The following CEMIP2 variants were observed in gnomAD, a reference collection of about 807,000 sequenced individuals.
The protein encoded by CEMIP2 is cell surface hyaluronidase CEMIP2.
Under a neutral mutation model 146.9 loss-of-function variants are expected in CEMIP2, and 79 were observed. The observed-to-expected ratio is 0.54, with a 90% CI of 0.45 to 0.65. The LOEUF (loss-of-function observed/expected upper bound fraction) is 0.65, where lower values mean the gene tolerates loss of function less well. Ranked by LOEUF, CEMIP2 falls within the 30% of genes least tolerant of loss-of-function variation. The probability of loss-of-function intolerance (pLI) is 0.00; values close to 1 mark genes in which losing one functional copy is unlikely to be tolerated. For synonymous variants in CEMIP2, 601 were observed against 606.3 expected (o/e 0.99, Z 0.13); for missense variants, 1,596 against 1,696.2 (o/e 0.94, Z 1.04).
At chr9:71,754,998 A>G (rs1824380675) in intron 1 of CEMIP2, among the ~76,000 whole-genome samples, 1 of 152,074 alleles carries the variant, frequency 6.6e-6, no homozygotes, top group Non-Finnish European at 1.5e-5. Context: ...TACCTTAAAA[A>G]CTCACTGTTA....
intron 1 of CEMIP2, among the ~76,000 whole-genome samples, chr9:71,759,506 A>G (rs1206275679): frequency 6.6e-6 from 1 of 152,170 alleles, no homozygotes; most frequent in Non-Finnish European, 1.5e-5. Context: ...CAACTTCCCA[A>G]TGAGGCACAG....
At chr9:71,758,708 T>C (rs1319540976) in intron 1 of CEMIP2, among the ~76,000 whole-genome samples, 1 of 152,230 alleles carries the variant, frequency 6.6e-6, no homozygotes, top group Non-Finnish European at 1.5e-5. Context: ...GCATATTTTC[T>C]ATAGATGCAA....
chr9:71,726,390 A>G (rs912167081), intron 10 of CEMIP2, among the ~76,000 whole-genome samples: 6 of 152,214 alleles, frequency 3.9e-5, no homozygotes, highest in African/African-American at 1.4e-4. Context: ...TTACAACTCA[A>G]TTAAAAATCA....
In CEMIP2 at chr9:71,698,006, A is replaced by G; in HGVS notation, c.3576T>C (p.Cys1192=). 6.2e-7 allele frequency: 1 copy of G among 1,614,108 alleles called. No individual in the cohort carries two copies. Among genetic ancestry groups the G allele is most frequent in the Non-Finnish European group, 8.5e-7 (1 of 1,180,006 alleles). ...KRMPAMLTGL[C]QGCGTRQVVF... Reference sequence around the variant, plus strand: ...TTACCTGCCGAGTGCCACAGCCTTGACAGAGTCCAGTGAGCATGGCCGGCA... The same window carrying G: ...TTACCTGCCGAGTGCCACAGCCTTGGCAGAGTCCAGTGAGCATGGCCGGCA... The change falls in exon 20 of 24, where the codon TGT becomes TGC. Residue 1192 remains cysteine, a synonymous_variant. Coordinates refer to ENST00000377044, the MANE Select transcript of CEMIP2 (RefSeq NM_013390.3).
chr9:71,728,279 A>ATATATATATACG lies in CEMIP2; in HGVS notation c.2049+1565_2049+1566insCGTATATATATA, dbSNP rs1554684721. ...TATACACGTATATATATATATATATATGTATATATATATATATATATACAT... is the reference window on the plus strand; with the variant it reads ...TATACACGTATATATATATATATATATATATATATACGTGTATATATATATATATATATACAT... On this transcript the variant is annotated intron_variant, in intron 10 of 23. Transcript: ENST00000377044. 4.8e-4 allele frequency among the ~76,000 whole-genome samples: 7 copies of ATATATATATACG among 14,730 alleles called. 2 individuals carry two copies. The East Asian group carries it at 0.032, about 67-fold the overall frequency. 9.7% of individuals were successfully genotyped at this position (14,730 alleles called of 152,430 possible). A position where few individuals can be genotyped will look rare whatever the true frequency, so the allele number is the denominator to read the frequency against.
rs59985618 is a variant in CEMIP2 at position 71,732,686 on chromosome 9, A to ATTTTTTTTT, written c.1394-175_1394-167dup. On this transcript the variant is annotated intron_variant, in intron 6 of 23. Coordinates refer to ENST00000377044, the MANE Select transcript of CEMIP2 (RefSeq NM_013390.3). ...GAATCAGAATCCCAGGACACGGGGA[A>ATTTTTTTTT]TTTTTTTTTTTTTTTTTTTTTTTTT... 8.0e-4 allele frequency among the ~76,000 whole-genome samples: 61 copies of ATTTTTTTTT among 75,876 alleles called. 3 individuals carry two copies. The highest frequency in any genetic ancestry group is 3.0e-3 in the African/African-American group (49 of 16,098). The allele number at this position is 75,876 out of a possible 152,430, so 49.8% of individuals were successfully genotyped here. A position where few individuals can be genotyped will look rare whatever the true frequency, so the allele number is the denominator to read the frequency against.
intron 5 of CEMIP2, among the ~76,000 whole-genome samples, chr9:71,738,842 A>C (rs1334276556): frequency 6.6e-6 from 1 of 152,124 alleles, no homozygotes; most frequent in Non-Finnish European, 1.5e-5. Context: ...GTCTCAAAAA[A>C]AAAAGATGAC....
intron 17 of CEMIP2, among the ~76,000 whole-genome samples, chr9:71,705,553 CCT>C (rs1180970204): frequency 3.9e-5 from 6 of 151,950 alleles, no homozygotes; most frequent in Non-Finnish European, 7.4e-5. Flanking sequence ...TGTATTTTTC[CCT>C]GTCATTTCTA....
chr9:71,749,927 T>C, intron 2 of CEMIP2, 116 bp downstream of exon 2: 1 of 802,704 alleles, frequency 1.2e-6, no homozygotes, highest in Non-Finnish European at 1.9e-6. Flanking sequence ...TCGTATTACC[T>C]AACTACATAT....
intron 1 of CEMIP2, 95 bp from the exon 2 acceptor site, chr9:71,750,480 T>A: frequency 1.0e-6 from 1 of 959,910 alleles, no homozygotes; most frequent in African/African-American, 1.7e-5. Context: ...TCACTCTTGT[T>A]GCCCACACTG....
chr9:71,743,436 C>T lies in CEMIP2; in HGVS notation c.1034+1582G>A, dbSNP rs575877890. On this transcript the variant is annotated intron_variant, in intron 4 of 23. Coordinates refer to ENST00000377044, the MANE Select transcript of CEMIP2 (RefSeq NM_013390.3). Reference sequence around the variant, plus strand: ...GTGTATCATATTTCAAAAACAAAAACCAGAAAGAAAAAAAAACCCTTTGAG... The same window carrying T: ...GTGTATCATATTTCAAAAACAAAAATCAGAAAGAAAAAAAAACCCTTTGAG... Among the ~76,000 whole-genome samples, 24 of 152,152 alleles carry T rather than the reference C, an allele frequency of 1.6e-4. No individual in the cohort carries two copies. The South Asian group carries it at 5.0e-3, about 32-fold the overall frequency.
At position 71,730,165 on chromosome 9, in the gene CEMIP2, A is replaced by G; in HGVS notation, c.1862T>C (p.Leu621Pro). 6.2e-7 allele frequency: 1 copy of G among 1,614,214 alleles called. No individual in the cohort carries two copies. Among genetic ancestry groups the G allele is most frequent in the Non-Finnish European group, 8.5e-7 (1 of 1,180,044 alleles). Residue 621 changes from leucine to proline, a missense_variant, in exon 9 of 24, where the codon CTG (leucine) becomes CCG (proline). Transcript: ENST00000377044. Reference sequence around the variant, plus strand: ...AGTACCCGGCTTGGTGAGGAGTCCCAGATTGTGGAACAAAGTATTCCTCTG... The same window carrying G: ...AGTACCCGGCTTGGTGAGGAGTCCCGGATTGTGGAACAAAGTATTCCTCTG... ...IEQRNTLFHN[L>P]GLLTKPGTLL...
At chr9:71,707,108 G>A (rs1368349146) in intron 17 of CEMIP2, among the ~76,000 whole-genome samples, 5 of 152,136 alleles carry the variant, frequency 3.3e-5, no homozygotes, top group Admixed American at 3.3e-4. Flanking sequence ...GATTACAGGC[G>A]TGAGCCACCA....
Position 71,745,227 on chromosome 9 carries a change from G to A in CEMIP2, c.825C>T (p.Asp275=), listed in dbSNP as rs1372778633. 1 of 1,614,064 alleles carries A rather than the reference G, an allele frequency of 6.2e-7. No individual in the cohort carries two copies. Among genetic ancestry groups the A allele is most frequent in the Admixed American group, 1.7e-5 (1 of 60,002 alleles). Residue 275 remains aspartate, a synonymous_variant, in exon 4 of 24, where the codon GAC becomes GAT. Transcript: ENST00000377044. ...TCTCACTTTCCAAAATTTTGGCCGT[G>A]TCTTGGTCAATGACCCTCACATTGA... The part of the protein sequence containing the change: ...RGLNVRVIDQ[D]TAKILESERF...
chr9:71,705,028 C>T (rs1040029824), intron 17 of CEMIP2: 2 of 517,024 alleles, frequency 3.9e-6, no homozygotes, highest in African/African-American at 3.8e-5. Flanking sequence ...CCAAGATCTT[C>T]ATCATCGCTT....
chr9:71,722,445 CA>C lies in CEMIP2; in HGVS notation c.2248del (p.Cys750ValfsTer24). 1 of 1,613,446 alleles carries C rather than the reference CA, an allele frequency of 6.2e-7. No individual in the cohort carries two copies. Among genetic ancestry groups the C allele is most frequent in the Middle Eastern group, 1.6e-4 (1 of 6,062 alleles). On this transcript the variant is annotated frameshift_variant, in exon 12 of 24. Transcript: ENST00000377044. LOFTEE classifies it high-confidence loss of function. ...SSAADPREYL[C>X]LDNSARFRPH... Reference sequence around the variant, plus strand: ...GCTTTACCTTGCACTATTGTCCAAACAGAGGTATTCCCTTGGGTCAGCAGCA... The same window carrying C: ...GCTTTACCTTGCACTATTGTCCAAACGAGGTATTCCCTTGGGTCAGCAGCA...
chr9:71,748,303 C>T (rs1276044435), intron 2 of CEMIP2, among the ~76,000 whole-genome samples: 1 of 152,110 alleles, frequency 6.6e-6, no homozygotes, highest in East Asian at 1.9e-4. Flanking sequence ...TGAAAAGTAG[C>T]TCAGCCAACC....
intron 2 of CEMIP2, among the ~76,000 whole-genome samples, chr9:71,748,668 A>G (rs1194558476): frequency 1.3e-5 from 2 of 152,220 alleles, no homozygotes; most frequent in Non-Finnish European, 1.5e-5. Context: ...CTGCTGGGAA[A>G]AGGAGAGAGG....
intron 10 of CEMIP2, among the ~76,000 whole-genome samples, chr9:71,728,231 C>CTCTCTCTCTCTATATATATATATG (rs1554684626): frequency 1.4e-4 from 2 of 14,776 alleles, no homozygotes; most frequent in African/African-American, 4.5e-4. Context: ...CTCTCTCTCT[C>CTCTCTCTCTCTATATATATATATG]TATATATATA....
Sources: allele counts gnomAD v4.1 joint callset (sites outside exome capture counted in the v4.1 genomes callset), GRCh38; gene constraint gnomAD v4.1.1; transcripts MANE v1.5; gene names NCBI Gene and HGNC (gene_info 2026-07-23, HGNC 2026-07-21).